The following HERC2 variants were observed in gnomAD, a reference collection of about 807,000 sequenced individuals.
The protein encoded by HERC2 is E3 ubiquitin-protein ligase HERC2.
A neutral mutation model predicts 537.7 loss-of-function variants in HERC2; 102 were observed. The observed-to-expected ratio is 0.19, with a 90% confidence interval of 0.16 to 0.22. The LOEUF is 0.22. Among genes scored for constraint, HERC2 ranks in the 10% least tolerant of loss-of-function variants. The pLI, the probability that HERC2 is intolerant of heterozygous loss-of-function variation, is 1.00. For synonymous variants in HERC2, 2,224 were observed against 2,466.2 expected (o/e 0.90, Z 2.91); for missense variants, 4,236 against 6,198.2 (o/e 0.68, Z 10.63).
chr15:28,288,294 G>C lies in HERC2; in HGVS notation c.322+4594C>G, dbSNP rs150283778. On this transcript the variant is annotated intron_variant, in intron 4 of 92. Transcript: ENST00000261609. ...CCATGGTGGCTCTTTGGGAGGCCGA[G>C]GTGGGTGGATCACCTGAGGTCAGGA... Among the ~76,000 whole-genome samples, 656 of 151,980 alleles carry C rather than the reference G, an allele frequency of 4.3e-3. 6 individuals carry two copies. Among genetic ancestry groups the C allele is most frequent in the African/African-American group, 0.015 (616 of 41,458 alleles).
chr15:28,269,966 G>A (rs1385023818), intron 10 of HERC2, among the ~76,000 whole-genome samples: 1 of 152,190 alleles, frequency 6.6e-6, no homozygotes, highest in African/African-American at 2.4e-5. Context: ...TGTTTTTGTT[G>A]TTGTTGTTTG....
intron 78 of HERC2, among the ~76,000 whole-genome samples, chr15:28,140,731 AGGCTGGTC>A (rs1340567846): frequency 6.6e-6 from 1 of 151,668 alleles, no homozygotes; most frequent in African/African-American, 2.4e-5. Flanking sequence ...TATGTTGGCC[AGGCTGGTC>A]TCGAACTCCT....
rs969087974 is a variant in HERC2 at position 28,111,976 on chromosome 15, G to A, written c.14292C>T (p.Phe4764=). ...AGGAATACCTGGGCAGCTTCAGCAA[G>A]AAGAAACAGGTGTAGGACTCAGGGA... is the stretch of plus-strand genomic sequence containing the variant. The part of the protein sequence containing the change: ...HFLPESYTCF[F]LLKLPRYSCK... Residue 4764 remains phenylalanine (F), a synonymous_variant, in exon 93 of 93, where the codon TTC becomes TTT. Transcript: ENST00000261609. The A allele has an allele frequency of 6.2e-7, 1 of 1,614,174 alleles. No individual in the cohort carries two copies. Among genetic ancestry groups the A allele is most frequent in the Non-Finnish European group, 8.5e-7 (1 of 1,180,016 alleles).
intron 70 of HERC2, among the ~76,000 whole-genome samples, chr15:28,149,521 G>A (rs1162998103): frequency 7.6e-6 from 1 of 131,874 alleles, no homozygotes; most frequent in Admixed American, 7.6e-5. Flanking sequence ...AACACACGCG[G>A]CTCCTAACCG....
intron 81 of HERC2, 53 bp downstream of exon 81, chr15:28,132,047 G>GT: frequency 9.0e-7 from 1 of 1,115,548 alleles, no homozygotes; most frequent in Non-Finnish European, 1.2e-6. Flanking sequence ...GGCCCTGGGG[G>GT]CCCGACTGCG....
chr15:28,130,092 G>T, intron 83 of HERC2, 71 bp downstream of exon 83: 1 of 1,581,338 alleles, frequency 6.3e-7, no homozygotes, highest in Non-Finnish European at 8.7e-7. Flanking sequence ...TTTTAAGGCT[G>T]CGCATGTCCT....
At chr15:28,135,427 A>T in intron 79 of HERC2, 51 bp downstream of exon 79, 1 of 1,457,264 alleles carries the variant, frequency 6.9e-7, no homozygotes, top group Non-Finnish European at 9.6e-7. Flanking sequence ...GCATTAAAAC[A>T]AACAAAAACA....
At chr15:28,144,652 C>G in intron 72 of HERC2, 21 bp downstream of exon 72, 3 of 1,614,132 alleles carry the variant, frequency 1.9e-6, no homozygotes, top group South Asian at 1.1e-5. Context: ...TAACCTTGAT[C>G]GCCATAAGCC....
intron 4 of HERC2, among the ~76,000 whole-genome samples, chr15:28,288,219 G>A (rs10152659): frequency 0.017 from 2,599 of 152,180 alleles, 67 homozygotes; most frequent in African/African-American, 0.059. Flanking sequence ...AACCTTAAGG[G>A]CCCATAATGG....
chr15:28,202,283 T>C, intron 46 of HERC2, 34 bp from the exon 47 acceptor site: 1 of 1,612,930 alleles, frequency 6.2e-7, no homozygotes, highest in Non-Finnish European at 8.5e-7. Context: ...GCAGCCACTG[T>C]GAGTCAACAG....
chr15:28,121,571 G>T, intron 85 of HERC2, 142 bp from the exon 86 acceptor site: 1 of 717,836 alleles, frequency 1.4e-6, no homozygotes. Context: ...TTCTCAAGTT[G>T]TGAGGGTGCA....
At chr15:28,162,984 G>T in intron 69 of HERC2, 110 bp downstream of exon 69, 1 of 936,492 alleles carries the variant, frequency 1.1e-6, no homozygotes, top group Non-Finnish European at 1.6e-6. Context: ...CTACTAGGAT[G>T]AAACCCAGCA....
intron 83 of HERC2, among the ~76,000 whole-genome samples, chr15:28,129,872 G>A (rs951172121): frequency 1.3e-5 from 2 of 151,770 alleles, no homozygotes; most frequent in Admixed American, 6.6e-5. Context: ...CACCTCCCGG[G>A]TTCAAGTGAT....
chr15:28,132,034 A>G, intron 81 of HERC2, 66 bp downstream of exon 81: 1 of 1,238,066 alleles, frequency 8.1e-7, no homozygotes, highest in Non-Finnish European at 1.0e-6. Context: ...GTTTTCCCAG[A>G]GGGGCCCTGG....
In HERC2 at chr15:28,179,355, C is replaced by T. The variant is rs1895607373; in HGVS notation, c.8938-132G>A. 15 of 714,364 alleles carry T rather than the reference C, an allele frequency of 2.1e-5. No homozygotes were observed. The East Asian group carries it at 4.1e-4, about 19-fold the overall frequency. The allele number at this position is 714,364 out of a possible 1,614,324, so 44.3% of individuals were successfully genotyped here. ...GTGTAACATTTCACTCAACCACAGGCTACATATACGATGGCAGTCCCAGTA... is the reference window on the plus strand; with the variant it reads ...GTGTAACATTTCACTCAACCACAGGTTACATATACGATGGCAGTCCCAGTA... On this transcript the variant is annotated intron_variant, in intron 57 of 92. Transcript: ENST00000261609.
chr15:28,127,419 G>T (rs1889622188), intron 83 of HERC2, among the ~76,000 whole-genome samples: 1 of 152,240 alleles, frequency 6.6e-6, no homozygotes, highest in South Asian at 2.1e-4. Flanking sequence ...CTGCAAGGTT[G>T]CCATGAGAAA....
Position 28,191,234 on chromosome 15 carries a change from C to T in HERC2, c.8462G>A (p.Arg2821His), listed in dbSNP as rs541212527. The T allele has an allele frequency of 1.4e-5, 22 of 1,610,570 alleles. No individual in the cohort carries two copies. The highest frequency in any genetic ancestry group is 6.7e-5 in the Admixed American group (4 of 59,632). The change falls in exon 54 of 93, where the codon CGT (arginine) becomes CAT (histidine). Residue 2821 changes from arginine to histidine, a missense_variant. Arg to His is a conservative substitution (Grantham distance 29). This residue lies in a region of HERC2 where 606 missense variants were observed against 884.5 expected (regional missense o/e 0.69). Coordinates refer to ENST00000261609, the MANE Select transcript of HERC2 (RefSeq NM_004667.6). ...SSGSQGKHWI[R>H]LEIFPDVLVH... ...AAGAACATCTGGGAAAATCTCCAAA[C>T]GAATCCAGTGCTTTAGAAAAACAAA...
At chr15:28,124,894 A>G (rs1889307872) in intron 84 of HERC2, 112 bp downstream of exon 84, 2 of 1,113,988 alleles carry the variant, frequency 1.8e-6, no homozygotes, top group Admixed American at 2.3e-5. Context: ...ACATTTACTG[A>G]GCCTGAATTA....
At chr15:28,132,894 TA>T in intron 79 of HERC2, 64 bp from the exon 80 acceptor site, 1 of 1,261,780 alleles carries the variant, frequency 7.9e-7, no homozygotes, top group Non-Finnish European at 1.1e-6. Flanking sequence ...TTCAGTGTAT[TA>T]AATACCTCTC....
Sources: gnomAD v4.1 joint callset for allele counts (sites outside exome capture counted in the v4.1 genomes callset) on GRCh38, gnomAD v4.1.1 for gene constraint, gnomAD v4.1.1 regional missense constraint, MANE v1.5 for transcripts, NCBI Gene and HGNC (gene_info 2026-07-23, HGNC 2026-07-21) for gene names.